The following CYB5R2 variants were observed in gnomAD, a reference collection of about 807,000 sequenced individuals.
CYB5R2 encodes the protein cytochrome b5 reductase 2.
CYB5R2 carries 35 observed loss-of-function variants against 29.8 expected under a neutral mutation model. The observed-to-expected ratio is 1.17, with a 90% confidence interval of 0.90 to 1.56. The LOEUF is 1.56. Among genes scored for constraint, CYB5R2 ranks in the 40% most tolerant of loss-of-function variants. CYB5R2 has a pLI of 0.00. For missense variants in CYB5R2, 419 were observed against 346.7 expected, an observed-to-expected ratio of 1.21 and a Z score of -1.66; for synonymous variants, 169 against 130.6, an observed-to-expected ratio of 1.29 and a Z score of -2.01.
Position 7,672,521 on chromosome 11 carries a change from T to G in CYB5R2, c.81A>C (p.Lys27Asn). 1 of 1,614,152 alleles carries G rather than the reference T, an allele frequency of 6.2e-7. No homozygotes were observed. Among genetic ancestry groups the G allele is most frequent in the Non-Finnish European group, 8.5e-7 (1 of 1,180,006 alleles). Residue 27 changes from lysine to asparagine, a missense_variant and splice_region_variant, in exon 3 of 9, where the codon AAA becomes AAC. Physicochemically the swap from Lys to Asn is moderately conservative, Grantham distance 94 (BLOSUM62 0). Transcript: ENST00000299498. ...GGAACCTCCGGGTGTTGTGGCTGAT[T>G]TTCTGATAAAACAAAACATAGGCAG... The part of the protein sequence containing the change: ...KYPLPLIEKE[K>N]ISHNTRRFRF...
chr11:7,668,460 C>G lies in CYB5R2; in HGVS notation c.472+18G>C. On this transcript the variant is annotated intron_variant, in intron 6 of 8. Coordinates refer to ENST00000299498, the MANE Select transcript of CYB5R2 (RefSeq NM_016229.5). ...CTCGGGGCTCACTCTCTGGATGGAG[C>G]CCCTAGAAGCCTCTTACCTGTGCCC... 1 of 1,598,976 alleles carries G rather than the reference C, an allele frequency of 6.3e-7. No individual in the cohort carries two copies. Among genetic ancestry groups the G allele is most frequent in the Non-Finnish European group, 8.6e-7 (1 of 1,166,136 alleles).
intron 7 of CYB5R2, 23 bp downstream of exon 7, chr11:7,667,705 C>T: frequency 6.3e-7 from 1 of 1,593,300 alleles, no homozygotes; most frequent in Non-Finnish European, 8.6e-7. Context: ...CATCCTACCA[C>T]TGCAAGCTCA....
At chr11:7,670,489 G>C (rs1251263130) in intron 3 of CYB5R2, 1 of 152,208 alleles carries the variant, frequency 6.6e-6, no homozygotes, top group Non-Finnish European at 1.5e-5. Flanking sequence ...CTGTATCCTG[G>C]TACTAGGCAC....
At chr11:7,668,355 G>A (rs1413823223) in intron 6 of CYB5R2, 123 bp downstream of exon 6, 28 of 811,696 alleles carry the variant, frequency 3.4e-5, no homozygotes, top group Middle Eastern at 3.2e-4. Flanking sequence ...CTGGTTCATC[G>A]TTCCCACCTT....
intron 1 of CYB5R2, 117 bp from the exon 2 acceptor site, chr11:7,673,008 G>A: frequency 1.0e-6 from 1 of 997,780 alleles, no homozygotes; most frequent in South Asian, 1.5e-5. Flanking sequence ...TCTGCCTGCA[G>A]GAAATAGGCA....
At chr11:7,672,407 C>G (rs745669414) in intron 3 of CYB5R2, 44 bp downstream of exon 3, 13 of 1,543,128 alleles carry the variant, frequency 8.4e-6, no homozygotes, top group Non-Finnish European at 1.2e-5. Flanking sequence ...GAGGGCCTAG[C>G]CCCCAGAGGC....
intron 3 of CYB5R2, chr11:7,671,700 G>A (rs188491185): frequency 6.6e-6 from 1 of 152,400 alleles, no homozygotes; most frequent in African/African-American, 2.4e-5. Context: ...ATAGGCCACG[G>A]AGTAGGATCC....
At chr11:7,668,743 A>G in intron 5 of CYB5R2, 182 bp from the exon 6 acceptor site, 1 of 639,230 alleles carries the variant, frequency 1.6e-6, no homozygotes, top group East Asian at 2.7e-5. Flanking sequence ...CCAGTGCACA[A>G]AGTGGGAATA....
chr11:7,673,719 C>T (rs370911788), upstream of CYB5R2: 76 of 986,292 alleles, frequency 7.7e-5, 1 homozygote, highest in South Asian at 3.0e-3. Flanking sequence ...GGAACCCACC[C>T]GGAGTGAGAC....
intron 1 of CYB5R2, chr11:7,673,189 G>A (rs1258387981): frequency 7.7e-6 from 3 of 390,892 alleles, no homozygotes; most frequent in East Asian, 7.0e-5. Flanking sequence ...ACAGCCAAAG[G>A]TTCATACACT....
In CYB5R2 at chr11:7,665,198, T is replaced by G. The variant is rs1025408813; in HGVS notation, c.*176A>C. 4.0e-6 allele frequency: 2 copies of G among 506,180 alleles called. No individual in the cohort carries two copies. Among genetic ancestry groups the G allele is most frequent in the Non-Finnish European group, 6.8e-6 (2 of 292,894 alleles). 31.4% of individuals were successfully genotyped at this position (506,180 alleles called of 1,614,324 possible). On this transcript the variant is annotated 3_prime_UTR_variant, in exon 9 of 9. Transcript: ENST00000299498. ...CAAGCAAGGAGGCCCCAGCAGCCAG[T>G]CTCCAGCCCCTTGAGCCCTTTTTGT...
intron 8 of CYB5R2, chr11:7,665,770 T>C: frequency 7.0e-7 from 1 of 1,424,796 alleles, no homozygotes. Flanking sequence ...CCTGAAGCCC[T>C]GCTGCTGTCT....
rs1217206653 is a variant in CYB5R2, at chr11:7,668,572, A to G, written c.389-11T>C. ...TGATTCCAAGATTCCCTGGAAACAC[A>G]GAGAATGCTTATGACCTCTGCAGTT... On this transcript the variant is annotated splice_polypyrimidine_tract_variant and intron_variant, in intron 5 of 8. Transcript: ENST00000299498. 3 of 1,608,438 alleles carry G rather than the reference A, an allele frequency of 1.9e-6. No individual in the cohort carries two copies. The highest frequency in any genetic ancestry group is 2.2e-5 in the East Asian group (1 of 44,844).
intron 8 of CYB5R2, 196 bp downstream of exon 8, chr11:7,666,255 T>C (rs766323248): frequency 1.0e-5 from 6 of 596,928 alleles, no homozygotes; most frequent in Non-Finnish European, 1.8e-5. Flanking sequence ...CTGCTCTCGA[T>C]TGCCCTTAAA....
chr11:7,666,408 G>T, intron 8 of CYB5R2, 43 bp downstream of exon 8: 1 of 1,295,428 alleles, frequency 7.7e-7, no homozygotes, highest in Non-Finnish European at 1.1e-6. Context: ...GTGGTCAAGG[G>T]TTGGTGCTGA....
At position 7,669,716 on chromosome 11, in the gene CYB5R2, A is replaced by G. The variant is rs1855608313; in HGVS notation, c.167T>C (p.Leu56Pro). ...CAATTCATTATCGATTTTTGCCAAG[A>G]GCTGGACATAGTTACCTATAGAAAA... ...LGLPVGNYVQLLAKIDNELVV... is the reference protein window; with the variant it reads ...LGLPVGNYVQPLAKIDNELVV... The change falls in exon 4 of 9, where the codon CTC (leucine) becomes CCC (proline). Residue 56 changes from leucine (L) to proline (P), a missense_variant. Transcript: ENST00000299498. 12 of 1,613,870 alleles carry G rather than the reference A, an allele frequency of 7.4e-6. No homozygotes were observed. Among genetic ancestry groups the G allele is most frequent in the Non-Finnish European group, 1.0e-5 (12 of 1,179,732 alleles).
Position 7,666,549 on chromosome 11 carries a change from G to C in CYB5R2, c.560C>G (p.Thr187Arg), listed in dbSNP as rs749634792. Residue 187 changes from threonine (T) to arginine (R), a missense_variant and splice_region_variant, in exon 8 of 9, where the codon ACA becomes AGA. Coordinates refer to ENST00000299498, the MANE Select transcript of CYB5R2 (RefSeq NM_016229.5). ...TTTTCTGACCAAGATATCCTCCTCTGTCTAGAAAAGAAGCAACACTGAAAA... is the reference window on the plus strand; with the variant it reads ...TTTTCTGACCAAGATATCCTCCTCTCTCTAGAAAAGAAGCAACACTGAAAA... Reference protein sequence around the residue: ...TRMSLIFANQTEEDILVRKEL... With the variant: ...TRMSLIFANQREEDILVRKEL... 3 of 1,611,544 alleles carry C rather than the reference G, an allele frequency of 1.9e-6. No individual in the cohort carries two copies. Among genetic ancestry groups the C allele is most frequent in the Non-Finnish European group, 2.5e-6 (3 of 1,177,848 alleles).
At chr11:7,665,869 G>A in intron 8 of CYB5R2, 3 of 1,536,182 alleles carry the variant, frequency 2.0e-6, no homozygotes, top group Non-Finnish European at 2.6e-6. Context: ...TTGTCCGGCA[G>A]GGTGTGGCCT....
chr11:7,673,233 A>G (rs3897382), intron 1 of CYB5R2, 186 bp downstream of exon 1: 264,831 of 474,870 alleles, frequency 0.56, 75,876 homozygotes, highest in Non-Finnish European at 0.6. Flanking sequence ...GGGGGAGGAC[A>G]TCACCCCTAA....
Sources: gnomAD v4.1 joint callset for allele counts on GRCh38, gnomAD v4.1.1 for gene constraint, MANE v1.5 for transcripts, NCBI Gene and HGNC (gene_info 2026-07-23, HGNC 2026-07-21) for gene names.